AGBL1: variants seen among roughly 807,000 people sequenced by gnomAD.
The protein encoded by AGBL1 is cytosolic carboxypeptidase 4.
Under a neutral mutation model 118.9 loss-of-function variants are expected in AGBL1, and 130 were observed. The ratio of observed to expected loss-of-function variants is 1.09; its 90% confidence interval spans 0.95 to 1.26. The LOEUF (loss-of-function observed/expected upper bound fraction) is 1.26. Among genes scored for constraint, AGBL1 ranks in the 50% most tolerant of loss-of-function variants. The pLI, the probability that AGBL1 is intolerant of heterozygous loss-of-function variation, is 0.00. For synonymous variants in AGBL1, 555 were observed against 478.9 expected (o/e 1.16, Z -2.08); for missense variants, 1,584 against 1,298.1 (o/e 1.22, Z -3.38).
intron 18 of AGBL1, among the ~76,000 whole-genome samples, chr15:86,445,430 T>C (rs574236241): frequency 6.6e-6 from 1 of 152,224 alleles, no homozygotes; most frequent in African/African-American, 2.4e-5. Flanking sequence ...CAGGGGAACT[T>C]CCCTTGCAGT....
intron 23 of AGBL1, among the ~76,000 whole-genome samples, chr15:86,967,335 A>T (rs1217924559): frequency 2.6e-5 from 4 of 151,982 alleles, no homozygotes; most frequent in Non-Finnish European, 4.4e-5. Flanking sequence ...GTTTAATTAG[A>T]TCCCATTTGT....
chr15:86,149,020 C>A (rs1032091695), intron 3 of AGBL1, among the ~76,000 whole-genome samples: 1 of 152,154 alleles, frequency 6.6e-6, no homozygotes, highest in African/African-American at 2.4e-5. Context: ...TCATACCCAG[C>A]CAAACTATGC....
chr15:86,684,645 A>T (rs550230602), intron 22 of AGBL1, among the ~76,000 whole-genome samples: 66 of 152,060 alleles, frequency 4.3e-4, no homozygotes, highest in Non-Finnish European at 8.1e-4. Context: ...GATCACAGAC[A>T]TAAGGCTTAA....
At chr15:86,571,788 C>G (rs1411111708) in intron 21 of AGBL1, among the ~76,000 whole-genome samples, 1 of 152,198 alleles carries the variant, frequency 6.6e-6, no homozygotes, top group Non-Finnish European at 1.5e-5. Flanking sequence ...ACAAGCTCCC[C>G]CTCTGGTCTG....
chr15:86,643,551 A>T (rs1206663618), intron 21 of AGBL1, among the ~76,000 whole-genome samples: 2 of 152,038 alleles, frequency 1.3e-5, no homozygotes, highest in African/African-American at 4.8e-5. Context: ...TCTTAATTAG[A>T]TTTATAGGAC....
intron 22 of AGBL1, among the ~76,000 whole-genome samples, chr15:86,722,994 T>A (rs1233800386): frequency 1.7e-5 from 2 of 121,042 alleles, no homozygotes; most frequent in Middle Eastern, 4.1e-3. Flanking sequence ...CATTAAAAAG[T>A]CAGGGAACAA....
intron 7 of AGBL1, among the ~76,000 whole-genome samples, 166 bp downstream of exon 7, chr15:86,248,045 C>T (rs1044685614): frequency 3.9e-5 from 6 of 152,182 alleles, no homozygotes; most frequent in East Asian, 3.9e-4. Flanking sequence ...AGGCCAGGCC[C>T]GGTGGTTCAC....
chr15:86,982,464 T>A (rs1428643377), intron 23 of AGBL1, among the ~76,000 whole-genome samples: 1 of 152,114 alleles, frequency 6.6e-6, no homozygotes. Context: ...AGTTGACTTG[T>A]GAACAATATG....
intron 21 of AGBL1, among the ~76,000 whole-genome samples, chr15:86,637,460 A>G (rs1409821682): frequency 2.0e-5 from 3 of 152,182 alleles, no homozygotes. Flanking sequence ...GGTTATAGTG[A>G]GTGAGGGTGG....
rs16977090 is a variant in AGBL1 at position 86,429,878 on chromosome 15, A to T, written c.2555+32332A>T. 3.2e-3 allele frequency among the ~76,000 whole-genome samples: 481 copies of T among 152,294 alleles called. 1 individual carries two copies. The highest frequency in any genetic ancestry group is 0.011 in the African/African-American group (454 of 41,574). ...AAATAACAACAATGCATTGACTTTG[A>T]TATTCTTTACCCTTGTCCACACTGG... On this transcript the variant is annotated intron_variant, in intron 18 of 22. Transcript: ENST00000614907.
chr15:86,172,452 T>G (rs1426503764), intron 5 of AGBL1, among the ~76,000 whole-genome samples: 3 of 152,240 alleles, frequency 2.0e-5, no homozygotes, highest in African/African-American at 7.2e-5. Flanking sequence ...CACTGGAATC[T>G]ATTCCTTCTA....
At chr15:86,405,755 G>C (rs1461965923) in intron 18 of AGBL1, among the ~76,000 whole-genome samples, 1 of 151,850 alleles carries the variant, frequency 6.6e-6, no homozygotes, top group Admixed American at 6.6e-5. Context: ...TCAAAAATAA[G>C]ACTTAATATA....
chr15:86,224,801 T>G (rs1298164893), intron 5 of AGBL1, 113 bp from the exon 6 acceptor site: 1 of 949,560 alleles, frequency 1.1e-6, no homozygotes, highest in Non-Finnish European at 1.7e-6. Context: ...GCCTGCTACC[T>G]GGTTAATCAT....
chr15:87,017,718 CA>C (rs1321958009), intron 24 of AGBL1, among the ~76,000 whole-genome samples: 1 of 152,042 alleles, frequency 6.6e-6, no homozygotes. Context: ...CCTGAAAACC[CA>C]AAAAGCCAGA....
At chr15:86,634,219 T>C (rs1348580660) in intron 21 of AGBL1, among the ~76,000 whole-genome samples, 1 of 152,144 alleles carries the variant, frequency 6.6e-6, no homozygotes, top group Non-Finnish European at 1.5e-5. Flanking sequence ...TGGGTGTATA[T>C]GCAAGAGAAG....
At chr15:86,661,051 T>A (rs2085529539) in intron 21 of AGBL1, among the ~76,000 whole-genome samples, 1 of 152,192 alleles carries the variant, frequency 6.6e-6, no homozygotes, top group African/African-American at 2.4e-5. Flanking sequence ...CCTGCTTAGC[T>A]CTTTCACCTT....
At chr15:86,215,222 TGC>T (rs113513872) in intron 5 of AGBL1, among the ~76,000 whole-genome samples, 8,798 of 75,456 alleles carry the variant, frequency 0.12, 309 homozygotes, top group African/African-American at 0.15. Context: ...TGTATATGTA[TGC>T]GTGTGTGTGT....
At chr15:86,706,930 A>G (rs2086459913) in intron 22 of AGBL1, among the ~76,000 whole-genome samples, 1 of 152,136 alleles carries the variant, frequency 6.6e-6, no homozygotes, top group African/African-American at 2.4e-5. Context: ...TATGGAGAGT[A>G]AAAAGGGATA....
At chr15:86,081,997 C>G (rs936283284) in intron 1 of AGBL1, among the ~76,000 whole-genome samples, 1 of 152,124 alleles carries the variant, frequency 6.6e-6, no homozygotes, top group African/African-American at 2.4e-5. Context: ...CTACTTAGTT[C>G]CCAATTAAGC....
Sources: allele counts gnomAD v4.1 joint callset (sites outside exome capture counted in the v4.1 genomes callset), GRCh38; gene constraint gnomAD v4.1.1; transcripts MANE v1.5; gene names NCBI Gene and HGNC (gene_info 2026-07-23, HGNC 2026-07-21).